The following TANC1 variants were observed in gnomAD, a reference collection of about 807,000 sequenced individuals.
TANC1 encodes the protein tetratricopeptide repeat, ankyrin repeat and coiled-coil containing 1.
A neutral mutation model predicts 149.7 loss-of-function variants in TANC1; 77 were observed. That is an observed-to-expected ratio of 0.51 (90% CI 0.43 to 0.62). The LOEUF (loss-of-function observed/expected upper bound fraction) is 0.62. TANC1 is among the 20% of genes least tolerant of loss of function. The pLI is 0.00. For missense variants in TANC1, 1,985 were observed against 2,321.8 expected, an observed-to-expected ratio of 0.85 and a Z score of 2.98; for synonymous variants, 854 against 925.0, an observed-to-expected ratio of 0.92 and a Z score of 1.39.
chr2:159,105,152 G>A (rs1286144753), intron 4 of TANC1, among the ~76,000 whole-genome samples: 2 of 149,606 alleles, frequency 1.3e-5, no homozygotes, highest in South Asian at 2.2e-4. Flanking sequence ...CCACCACCAC[G>A]CCTGGCTAAT....
chr2:159,145,412 G>A (rs765118965), intron 5 of TANC1, among the ~76,000 whole-genome samples: 40 of 152,176 alleles, frequency 2.6e-4, no homozygotes, highest in Non-Finnish European at 4.7e-4. Flanking sequence ...CACACACATT[G>A]GTTTTGAGCC....
intron 2 of TANC1, among the ~76,000 whole-genome samples, chr2:159,043,559 TG>T (rs1189890437): frequency 1.3e-5 from 2 of 152,208 alleles, no homozygotes; most frequent in African/African-American, 4.8e-5. Flanking sequence ...ATAACATGCG[TG>T]CTTTAGTGCA....
chr2:159,090,749 C>T (rs751986161), intron 3 of TANC1, among the ~76,000 whole-genome samples: 15 of 152,190 alleles, frequency 9.9e-5, no homozygotes, highest in African/African-American at 2.9e-4. Flanking sequence ...GCAGAATGAC[C>T]GGAGCCAGCG....
rs542871495 is a variant in TANC1, at chr2:159,156,205, T to A, written c.682+5649T>A. ...TTGATTTGGTAATAACTATTTAGAC[T>A]GTTTCAAGTCTGGGTTAATATTCAT... is the stretch of plus-strand genomic sequence containing the variant. On this transcript the variant is annotated intron_variant, in intron 7 of 26. Transcript: ENST00000263635. Among the ~76,000 whole-genome samples the A allele has an allele frequency of 3.9e-5, 6 of 152,360 alleles. No individual in the cohort carries two copies. In the South Asian group the frequency reaches 1.2e-3, roughly 32 times the overall value.
At chr2:159,056,790 A>G in intron 2 of TANC1, 1 of 349,622 alleles carries the variant, frequency 2.9e-6, no homozygotes, top group South Asian at 2.9e-5. Flanking sequence ...CTTCCCGTCC[A>G]TGAAGTTGGG....
chr2:159,088,692 CTT>C (rs1210392584), intron 3 of TANC1, among the ~76,000 whole-genome samples: 3 of 152,006 alleles, frequency 2.0e-5, no homozygotes, highest in Admixed American at 2.0e-4. Flanking sequence ...TTTTTTGTGA[CTT>C]TTTTAAAAAA....
At position 159,172,134 on chromosome 2, in the gene TANC1, T is replaced by G. The variant is rs1462862722; in HGVS notation, c.1365T>G (p.Thr455=). The change falls in exon 11 of 27, where the codon ACT becomes ACG. Residue 455 remains threonine, a synonymous_variant. Coordinates refer to ENST00000263635, the MANE Select transcript of TANC1 (RefSeq NM_033394.3). ...CTTTCTCTGCAGCCTCTGACCCCACTCAGGATCTTCATTTCACTCCGTTGC... is the reference window on the plus strand; with the variant it reads ...CTTTCTCTGCAGCCTCTGACCCCACGCAGGATCTTCATTTCACTCCGTTGC... The part of the protein sequence containing the change: ...PGSSPKTSDP[T]QDLHFTPLLS... 6.2e-7 allele frequency: 1 copy of G among 1,614,052 alleles called. No homozygotes were observed. Among genetic ancestry groups the G allele is most frequent in the Non-Finnish European group, 8.5e-7 (1 of 1,180,028 alleles).
In TANC1 at chr2:159,231,224, A is replaced by G. The variant is rs577524812; in HGVS notation, c.*212A>G. ...AGAATGCTAAACAGAATTGAAAATT[A>G]TATCAACTTAAAATTTTAAGACAGC... On this transcript the variant is annotated 3_prime_UTR_variant, in exon 27 of 27. Transcript: ENST00000263635. 1.9e-4 allele frequency: 94 copies of G among 486,316 alleles called. No homozygotes were observed. The highest frequency in any genetic ancestry group is 1.2e-3 in the African/African-American group (60 of 51,806). 30.1% of individuals were successfully genotyped at this position (486,316 alleles called of 1,614,324 possible).
intron 22 of TANC1, among the ~76,000 whole-genome samples, chr2:159,222,849 T>A: frequency 6.6e-6 from 1 of 152,186 alleles, no homozygotes; most frequent in East Asian, 1.9e-4. Flanking sequence ...CATTTTACAT[T>A]CATAGCACAG....
At chr2:159,012,027 G>A (rs772631578) in intron 2 of TANC1, among the ~76,000 whole-genome samples, 14 of 152,160 alleles carry the variant, frequency 9.2e-5, no homozygotes, top group Admixed American at 1.3e-4. Context: ...AAGGGGGCTA[G>A]TGACAGGCCA....
chr2:159,084,736 G>A (rs1198429658), intron 3 of TANC1, among the ~76,000 whole-genome samples: 1 of 152,140 alleles, frequency 6.6e-6, no homozygotes, highest in Non-Finnish European at 1.5e-5. Context: ...TATCACTCAG[G>A]GAAACATGAC....
intron 26 of TANC1, 22 bp downstream of exon 26, chr2:159,228,918 G>GT: frequency 6.3e-7 from 1 of 1,591,858 alleles, no homozygotes; most frequent in Non-Finnish European, 8.6e-7. Flanking sequence ...GGTTATCTTT[G>GT]TGTCTAGAGC....
At position 159,178,468 on chromosome 2, in the gene TANC1, A is replaced by C. The variant is rs1280089081; in HGVS notation, c.1903-88A>C. The C allele has an allele frequency of 9.6e-6, 14 of 1,460,318 alleles. 1 individual carries two copies. The South Asian group carries it at 1.8e-4, about 19-fold the overall frequency. The allele number at this position is 1,460,318 out of a possible 1,614,324, so 90.5% of individuals were successfully genotyped here. Reference sequence around the variant, plus strand: ...AATCCATGAAAATCCTCCTTGAAACAAAACTAGTGAATCTGGTTTAAAATG... The same window carrying C: ...AATCCATGAAAATCCTCCTTGAAACCAAACTAGTGAATCTGGTTTAAAATG... On this transcript the variant is annotated intron_variant, in intron 13 of 26. Coordinates refer to ENST00000263635, the MANE Select transcript of TANC1 (RefSeq NM_033394.3).
chr2:159,117,937 G>C lies in TANC1; in HGVS notation c.260-18257G>C, dbSNP rs371633154. Among the ~76,000 whole-genome samples, 706 of 146,968 alleles carry C rather than the reference G, an allele frequency of 4.8e-3. 1 individual carries two copies. Among genetic ancestry groups the C allele is most frequent in the African/African-American group, 0.017 (686 of 39,946 alleles). On this transcript the variant is annotated intron_variant, in intron 4 of 26. Coordinates refer to ENST00000263635, the MANE Select transcript of TANC1 (RefSeq NM_033394.3). The stretch of plus-strand genomic sequence containing the variant: ...AGTTTTTCTGTACTGGAGTTTTTCT[G>C]TACTGGAGTTTTTCTCTACTGGAGT...
intron 3 of TANC1, among the ~76,000 whole-genome samples, chr2:159,095,001 A>G (rs1240134153): frequency 1.3e-5 from 2 of 151,698 alleles, no homozygotes; most frequent in Admixed American, 1.3e-4. Context: ...GCTAGAGTGC[A>G]GTGGTGTGAT....
intron 4 of TANC1, 126 bp from the exon 5 acceptor site, chr2:159,136,068 G>A (rs1445727289): frequency 6.2e-6 from 4 of 645,990 alleles, no homozygotes; most frequent in African/African-American, 5.6e-5. Flanking sequence ...GCGCGTTTAA[G>A]GGAGGGGAAG....
At chr2:159,047,172 C>T (rs899479025) in intron 2 of TANC1, among the ~76,000 whole-genome samples, 2 of 147,718 alleles carry the variant, frequency 1.4e-5, no homozygotes, top group African/African-American at 4.9e-5. Context: ...ATCAGGATAT[C>T]CAAACTGAAC....
rs70994264 is a variant in TANC1, at chr2:159,116,430, A to AAAC, written c.259+18620_259+18622dup. Among the ~76,000 whole-genome samples the AAAC allele has an allele frequency of 9.7e-4, 144 of 148,706 alleles. 2 individuals carry two copies. In the South Asian group the frequency reaches 0.011, roughly 11 times the overall value. Reference sequence around the variant, plus strand: ...TGACAGAGCAAGACTCAGTCTCAAAAAACAACAACAACAACAACAACAACA... The same window carrying AAAC: ...TGACAGAGCAAGACTCAGTCTCAAAAAACAACAACAACAACAACAACAACAACA... On this transcript the variant is annotated intron_variant, in intron 4 of 26. Coordinates refer to ENST00000263635, the MANE Select transcript of TANC1 (RefSeq NM_033394.3).
intron 2 of TANC1, among the ~76,000 whole-genome samples, chr2:159,064,164 A>G (rs1264871771): frequency 6.6e-6 from 1 of 152,108 alleles, no homozygotes; most frequent in Admixed American, 6.6e-5. Context: ...TTTATACTAC[A>G]GTGTTTTTCA....
Sources: allele counts gnomAD v4.1 joint callset (sites outside exome capture counted in the v4.1 genomes callset), GRCh38; gene constraint gnomAD v4.1.1; transcripts MANE v1.5; gene names NCBI Gene and HGNC (gene_info 2026-07-23, HGNC 2026-07-21).